The following C8orf89 variants were observed in gnomAD, a reference collection of about 807,000 sequenced individuals.
C8orf89 encodes the protein putative uncharacterized protein C8orf89.
Under a neutral mutation model 15.8 loss-of-function variants are expected in C8orf89, and 14 were observed. That is an observed-to-expected ratio of 0.89 (90% CI 0.59 to 1.39). C8orf89 has a LOEUF of 1.39. Ranked by LOEUF, C8orf89 falls within the 40% of genes most tolerant of loss-of-function variation. The pLI, the probability that C8orf89 is intolerant of heterozygous loss-of-function variation, is 0.00. For synonymous variants in C8orf89, 55 were observed against 62.2 expected (o/e 0.88, Z 0.54); for missense variants, 181 against 184.5 (o/e 0.98, Z 0.11).
At chr8:73,268,753 G>A in the C8orf89 span, among the ~76,000 whole-genome samples, 1 of 152,172 alleles carries the variant, frequency 6.6e-6, no homozygotes, top group East Asian at 1.9e-4. Context: ...GGGCGTGGGA[G>A]GGAGAGGGTA....
At chr8:73,285,238 T>A in the C8orf89 span, among the ~76,000 whole-genome samples, 1 of 151,624 alleles carries the variant, frequency 6.6e-6, no homozygotes, top group African/African-American at 2.4e-5. Context: ...CCTGGGAGGG[T>A]CAATCTGTAA....
chr8:73,251,325 T>G (rs1286657271), intron 2 of C8orf89, among the ~76,000 whole-genome samples: 1 of 152,242 alleles, frequency 6.6e-6, no homozygotes, highest in Non-Finnish European at 1.5e-5. Flanking sequence ...AAATGAGTAC[T>G]TCTCTGCTTT....
At chr8:73,267,347 A>G in the C8orf89 span, among the ~76,000 whole-genome samples, 1 of 152,214 alleles carries the variant, frequency 6.6e-6, no homozygotes, top group African/African-American at 2.4e-5. Context: ...TGTATGTAAT[A>G]TTTTCTGACC....
intron 2 of C8orf89, among the ~76,000 whole-genome samples, chr8:73,255,218 G>A (rs13272531): frequency 0.31 from 47,050 of 151,662 alleles, 9,323 homozygotes; most frequent in African/African-American, 0.57. Flanking sequence ...CAACCTACTC[G>A]TCTGAAAAAG....
the C8orf89 span, among the ~76,000 whole-genome samples, chr8:73,271,323 A>G: frequency 6.6e-6 from 1 of 151,966 alleles, no homozygotes; most frequent in East Asian, 1.9e-4. Flanking sequence ...GGGTCATGGG[A>G]GTGGATCTCT....
upstream of C8orf89, among the ~76,000 whole-genome samples, chr8:73,262,559 G>A (rs1283999446): frequency 1.3e-5 from 2 of 152,016 alleles, no homozygotes; most frequent in Non-Finnish European, 1.5e-5. Context: ...GCTCACACAT[G>A]TAATCCCAGC....
the C8orf89 span, among the ~76,000 whole-genome samples, chr8:73,274,914 T>C: frequency 1.3e-5 from 2 of 152,238 alleles, no homozygotes; most frequent in Non-Finnish European, 2.9e-5. Context: ...GTCTATATCA[T>C]ATCGATTATA....
intron 2 of C8orf89, among the ~76,000 whole-genome samples, chr8:73,256,130 AAATAATAAT>A (rs71268002): frequency 0.022 from 3,250 of 147,978 alleles, 64 homozygotes; most frequent in African/African-American, 0.054. Context: ...AATAAATAAC[AAATAATAAT>A]AATAATAATA....
At chr8:73,250,859 C>T (rs1802878922) in intron 2 of C8orf89, among the ~76,000 whole-genome samples, 1 of 151,964 alleles carries the variant, frequency 6.6e-6, no homozygotes, top group Admixed American at 6.6e-5. Context: ...TGGAGTGGCA[C>T]AATCATATAG....
chr8:73,273,655 G>GTGAAGCC, the C8orf89 span, among the ~76,000 whole-genome samples: 1 of 152,132 alleles, frequency 6.6e-6, no homozygotes, highest in Non-Finnish European at 1.5e-5. Flanking sequence ...GCGGTCCCCA[G>GTGAAGCC]TGAAGCCTGA....
chr8:73,268,120 A>G, the C8orf89 span, among the ~76,000 whole-genome samples: 3 of 152,338 alleles, frequency 2.0e-5, no homozygotes, highest in African/African-American at 7.2e-5. Context: ...CCACAAATAA[A>G]TTACAATTAA....
chr8:73,258,225 C>T (rs1813444776), intron 1 of C8orf89, among the ~76,000 whole-genome samples: 1 of 152,016 alleles, frequency 6.6e-6, no homozygotes, highest in African/African-American at 2.4e-5. Flanking sequence ...TCCTGGCCAA[C>T]ATGGTGAAAT....
the C8orf89 span, among the ~76,000 whole-genome samples, chr8:73,276,134 T>G: frequency 6.6e-6 from 1 of 151,988 alleles, no homozygotes; most frequent in Admixed American, 6.6e-5. Flanking sequence ...ATTTTTATTA[T>G]TAGTTGTATC....
At chr8:73,247,044 T>C (rs1481641035) in intron 3 of C8orf89, among the ~76,000 whole-genome samples, 1 of 152,238 alleles carries the variant, frequency 6.6e-6, no homozygotes, top group South Asian at 2.1e-4. Context: ...AACTTTCTTT[T>C]TAACTTTTAT....
chr8:73,271,676 C>T, the C8orf89 span, among the ~76,000 whole-genome samples: 978 of 152,270 alleles, frequency 6.4e-3, 11 homozygotes, highest in African/African-American at 0.021. Flanking sequence ...AAGACAGCAC[C>T]TAACTAAATG....
the C8orf89 span, among the ~76,000 whole-genome samples, chr8:73,278,366 A>G: frequency 1.2e-4 from 18 of 152,314 alleles, no homozygotes; most frequent in African/African-American, 4.1e-4. Context: ...CTCCTTCACA[A>G]TGCTTTTCAA....
chr8:73,280,560 G>A, the C8orf89 span, among the ~76,000 whole-genome samples: 1 of 152,034 alleles, frequency 6.6e-6, no homozygotes, highest in Non-Finnish European at 1.5e-5. Context: ...TTTTAGTTGA[G>A]AAGGGGTTTC....
chr8:73,271,420 T>C, the C8orf89 span, among the ~76,000 whole-genome samples: 1 of 152,098 alleles, frequency 6.6e-6, no homozygotes, highest in East Asian at 1.9e-4. Flanking sequence ...ATGGATTACA[T>C]CTCAGGAGAG....
At chr8:73,241,753 A>C (rs1181780033) in intron 3 of C8orf89, 148 bp from the exon 4 acceptor site, 2 of 488,138 alleles carry the variant, frequency 4.1e-6, no homozygotes, top group African/African-American at 5.0e-5. Flanking sequence ...TACTAACCCA[A>C]AAAAAAGCAT....
Sources: gnomAD v4.1 joint callset for allele counts (sites outside exome capture counted in the v4.1 genomes callset) on GRCh38, gnomAD v4.1.1 for gene constraint, MANE v1.5 for transcripts, NCBI Gene and HGNC (gene_info 2026-07-23, HGNC 2026-07-21) for gene names.